The following WDTC1 variants were observed in gnomAD, a reference collection of about 807,000 sequenced individuals.
WDTC1 encodes WD and tetratricopeptide repeats 1.
WDTC1 carries 12 observed loss-of-function variants against 76.0 expected under a neutral mutation model. That is an observed-to-expected ratio of 0.16 (90% CI 0.10 to 0.26). The LOEUF is 0.26. Ranked by LOEUF, WDTC1 falls within the 10% of genes least tolerant of loss-of-function variation. WDTC1 has a pLI of 1.00. For missense variants in WDTC1, 511 were observed against 908.8 expected, an observed-to-expected ratio of 0.56 and a Z score of 5.63; for synonymous variants, 326 against 350.8, an observed-to-expected ratio of 0.93 and a Z score of 0.79.
intron 6 of WDTC1, among the ~76,000 whole-genome samples, chr1:27,288,253 T>C (rs1356521897): frequency 6.6e-6 from 1 of 152,260 alleles, no homozygotes; most frequent in Non-Finnish European, 1.5e-5. Flanking sequence ...CTGACCATCC[T>C]GTCTAAAGTA....
chr1:27,256,245 G>GCT (rs2012276996), intron 1 of WDTC1, among the ~76,000 whole-genome samples: 1 of 152,040 alleles, frequency 6.6e-6, no homozygotes, highest in African/African-American at 2.4e-5. Context: ...GGACTTAATG[G>GCT]CCACTGTGGC....
In WDTC1 at chr1:27,297,097, C is replaced by T. The variant is rs371464043; in HGVS notation, c.999C>T (p.Ser333=). 18 of 1,613,926 alleles carry T rather than the reference C, an allele frequency of 1.1e-5. No homozygotes were observed. Among genetic ancestry groups the T allele is most frequent in the Non-Finnish European group, 1.4e-5 (17 of 1,179,990 alleles). ...CCAACGGTGTGTCCAACGGTGTGTCCAATGGCCTGCACCTTCATAGCAATG... is the reference window on the plus strand; with the variant it reads ...CCAACGGTGTGTCCAACGGTGTGTCTAATGGCCTGCACCTTCATAGCAATG... ...MSTNGVSNGV[S]NGLHLHSNGF... Residue 333 remains serine, a synonymous_variant, in exon 11 of 16, where the codon TCC becomes TCT. Transcript: ENST00000319394.
Position 27,297,152 on chromosome 1 carries a change from G to A in WDTC1, c.1054G>A (p.Val352Ile). 6.2e-7 allele frequency: 1 copy of A among 1,603,426 alleles called. No homozygotes were observed. The highest frequency in any genetic ancestry group is 8.5e-7 in the Non-Finnish European group (1 of 1,174,680). The change falls in exon 11 of 16, where the codon GTC becomes ATC. Residue 352 changes from valine to isoleucine, a missense_variant. Coordinates refer to ENST00000319394, the MANE Select transcript of WDTC1 (RefSeq NM_001276252.2). ...CCGGCTGCCGGAGAGTAGGGGACAT[G>A]TCAGGTGAGGCCAGCTGGCTTGTCC... ...GFRLPESRGHVSPQVELPPYL... is the reference protein window; with the variant it reads ...GFRLPESRGHISPQVELPPYL...
Position 27,296,309 on chromosome 1 carries a change from GC to G in WDTC1, c.874-11del. The G allele has an allele frequency of 6.2e-7, 1 of 1,611,538 alleles. No homozygotes were observed. Among genetic ancestry groups the G allele is most frequent in the Non-Finnish European group, 8.5e-7 (1 of 1,179,348 alleles). On this transcript the variant is annotated splice_polypyrimidine_tract_variant and intron_variant, in intron 9 of 15. Transcript: ENST00000319394. ...CCTCACAGCTTCCATCTCTTTTTTT[GC>G]CCCCCTCAACTCTAGGTCTATTTGT... is the stretch of plus-strand genomic sequence containing the variant.
intron 9 of WDTC1, among the ~76,000 whole-genome samples, chr1:27,295,484 G>T (rs1189566800): frequency 6.7e-6 from 1 of 149,748 alleles, no homozygotes; most frequent in East Asian, 1.9e-4. Flanking sequence ...TTGGAGTTTC[G>T]CTCTTGTTGC....
chr1:27,299,953 C>A (rs2013789988), intron 12 of WDTC1, among the ~76,000 whole-genome samples: 1 of 152,190 alleles, frequency 6.6e-6, no homozygotes, highest in African/African-American at 2.4e-5. Flanking sequence ...TGGCTCCTGG[C>A]TGGTCTCTGG....
Position 27,305,101 on chromosome 1 carries a change from A to G in WDTC1, c.1744A>G (p.Ile582Val), listed in dbSNP as rs2013922093. The G allele has an allele frequency of 6.2e-7, 1 of 1,613,960 alleles. No individual in the cohort carries two copies. Among genetic ancestry groups the G allele is most frequent in the Admixed American group, 1.7e-5 (1 of 59,998 alleles). Residue 582 changes from isoleucine (I) to valine (V), a missense_variant, in exon 15 of 16, where the codon ATT becomes GTT. Coordinates refer to ENST00000319394, the MANE Select transcript of WDTC1 (RefSeq NM_001276252.2). This position sits in a 1 kb window ranked among gnomAD's most constrained non-coding sequence, Gnocchi z 4.6. Reference protein sequence around the residue: ...LVRVLQGDESIVNCLQPHPSY... With the variant: ...LVRVLQGDESVVNCLQPHPSY... ...CCGTGTGCTCCAAGGGGATGAGTCC[A>G]TTGTCAACTGCCTGCAGCCACACCC...
At chr1:27,257,081 C>A (rs151270644) in intron 1 of WDTC1, among the ~76,000 whole-genome samples, 2,158 of 152,268 alleles carry the variant, frequency 0.014, 50 homozygotes, top group African/African-American at 0.049. Flanking sequence ...CCAGGATGGT[C>A]TTGATCTCCT....
chr1:27,253,585 G>A (rs1236638903), intron 1 of WDTC1, among the ~76,000 whole-genome samples: 5 of 149,050 alleles, frequency 3.4e-5, no homozygotes, highest in South Asian at 2.1e-4. Context: ...GACCTCAAGC[G>A]ATCTTCCCAC....
chr1:27,256,781 T>G (rs1557483537), intron 1 of WDTC1, among the ~76,000 whole-genome samples: 1 of 152,224 alleles, frequency 6.6e-6, no homozygotes, highest in Non-Finnish European at 1.5e-5. Context: ...AAGCTCCTTA[T>G]GTTCATTTGT....
In WDTC1 at chr1:27,283,456, AG is replaced by A. The variant is rs1318320046; in HGVS notation, c.291+9del. Reference sequence around the variant, plus strand: ...AAATATCTTCTCTGTCAAGGTGAGCAGGACAAGCCACAGAGCAAGCACAAGC... The same window carrying A: ...AAATATCTTCTCTGTCAAGGTGAGCAGACAAGCCACAGAGCAAGCACAAGC... On this transcript the variant is annotated splice_region_variant and intron_variant, in intron 5 of 15. Transcript: ENST00000319394. 5 of 1,603,596 alleles carry A rather than the reference AG, an allele frequency of 3.1e-6. No homozygotes were observed. In the African/African-American group the frequency reaches 6.7e-5, roughly 21 times the overall value.
At chr1:27,244,793 G>A (rs1320371462) in intron 1 of WDTC1, among the ~76,000 whole-genome samples, 4 of 152,202 alleles carry the variant, frequency 2.6e-5, no homozygotes, top group Non-Finnish European at 5.9e-5. Context: ...GCATAATTCA[G>A]AATGTTGAAA....
chr1:27,256,322 C>T (rs2012280216), intron 1 of WDTC1, among the ~76,000 whole-genome samples: 2 of 152,140 alleles, frequency 1.3e-5, no homozygotes, highest in East Asian at 3.9e-4. Flanking sequence ...GATCCCAGTT[C>T]AGGGTTTAGG....
At chr1:27,259,494 T>C (rs1468957910) in intron 1 of WDTC1, among the ~76,000 whole-genome samples, 1 of 151,750 alleles carries the variant, frequency 6.6e-6, no homozygotes, top group Admixed American at 6.6e-5. Flanking sequence ...TATGATAAAA[T>C]TGTTTTCCTT....
intron 1 of WDTC1, among the ~76,000 whole-genome samples, chr1:27,237,797 G>A (rs1490741666): frequency 6.7e-6 from 1 of 148,168 alleles, no homozygotes; most frequent in Non-Finnish European, 1.5e-5. Context: ...GGAGGTGGAG[G>A]TTGCGGTGAG....
chr1:27,300,038 G>T (rs1365421441), intron 12 of WDTC1, among the ~76,000 whole-genome samples: 2 of 152,144 alleles, frequency 1.3e-5, no homozygotes, highest in African/African-American at 4.8e-5. Context: ...CTGCTCCTTC[G>T]TCAGAGCCAC....
At chr1:27,279,356 G>A (rs2013126722) in intron 3 of WDTC1, among the ~76,000 whole-genome samples, 1 of 152,074 alleles carries the variant, frequency 6.6e-6, no homozygotes, top group African/African-American at 2.4e-5. Flanking sequence ...TGGTCAACAT[G>A]GCAAAACCCC....
chr1:27,279,286 C>T (rs1188505135), intron 3 of WDTC1, among the ~76,000 whole-genome samples: 2 of 152,090 alleles, frequency 1.3e-5, no homozygotes, highest in Non-Finnish European at 2.9e-5. Context: ...GTAATCCCAG[C>T]ACTTTGAGAG....
At chr1:27,271,496 C>T (rs565509419) in intron 3 of WDTC1, among the ~76,000 whole-genome samples, 232 of 151,594 alleles carry the variant, frequency 1.5e-3, no homozygotes, top group African/African-American at 3.8e-3. Context: ...ATTACAGGTG[C>T]GAGCCACCAT....
Sources: allele counts gnomAD v4.1 joint callset (sites outside exome capture counted in the v4.1 genomes callset), GRCh38; gene constraint gnomAD v4.1.1; non-coding constraint Gnocchi (gnomAD v3.1); transcripts MANE v1.5; gene names NCBI Gene and HGNC (gene_info 2026-07-23, HGNC 2026-07-21).